RPS6KC1: variants seen among roughly 807,000 people sequenced by gnomAD.
The protein encoded by RPS6KC1 is ribosomal protein S6 kinase C1.
Under a neutral mutation model 103.8 loss-of-function variants are expected in RPS6KC1, and 54 were observed. That is an observed-to-expected ratio of 0.52 (90% CI 0.42 to 0.65). RPS6KC1 has a LOEUF of 0.65. Ranked by LOEUF, RPS6KC1 falls within the 30% of genes least tolerant of loss-of-function variation. RPS6KC1 has a pLI of 0.00. For synonymous variants in RPS6KC1, 439 were observed against 438.7 expected (o/e 1.00, Z -0.01); for missense variants, 1,151 against 1,253.8 (o/e 0.92, Z 1.24).
intron 8 of RPS6KC1, among the ~76,000 whole-genome samples, chr1:213,214,198 G>A (rs1295630192): frequency 2.0e-5 from 3 of 152,242 alleles, no homozygotes; most frequent in East Asian, 1.9e-4. Context: ...CTTTTCCAAC[G>A]GTCTTAGCAA....
At chr1:213,734,375 T>C in the RPS6KC1 span, among the ~76,000 whole-genome samples, 1 of 152,254 alleles carries the variant, frequency 6.6e-6, no homozygotes, top group Non-Finnish European at 1.5e-5. Flanking sequence ...TGGCTGGTAA[T>C]GGGGTATATA....
At chr1:213,309,018 A>G in the RPS6KC1 span, among the ~76,000 whole-genome samples, 7,556 of 152,172 alleles carry the variant, frequency 0.05, 464 homozygotes, top group African/African-American at 0.13. Context: ...GAGGCCGGGC[A>G]CGGTGGCTCA....
the RPS6KC1 span, among the ~76,000 whole-genome samples, chr1:213,455,343 T>C: frequency 6.6e-6 from 1 of 152,148 alleles, no homozygotes; most frequent in South Asian, 2.1e-4. Flanking sequence ...TTGACAGAAC[T>C]TGGTGACTGG....
the RPS6KC1 span, among the ~76,000 whole-genome samples, chr1:213,324,482 T>TA: frequency 2.0e-5 from 3 of 151,858 alleles, no homozygotes; most frequent in Non-Finnish European, 4.4e-5. Flanking sequence ...TATGAGAAAA[T>TA]AAATGTCTGT....
intron 3 of RPS6KC1, among the ~76,000 whole-genome samples, chr1:213,080,884 A>C (rs902513108): frequency 6.6e-6 from 1 of 152,254 alleles, no homozygotes; most frequent in South Asian, 2.1e-4. Context: ...TTATTATGAC[A>C]GAGCAAATAT....
chr1:213,415,433 G>T, the RPS6KC1 span, among the ~76,000 whole-genome samples: 1 of 152,218 alleles, frequency 6.6e-6, no homozygotes, highest in Admixed American at 6.5e-5. Context: ...AGAGGACTCG[G>T]TTCTGCTTTG....
At chr1:213,284,475 A>C in the RPS6KC1 span, among the ~76,000 whole-genome samples, 2 of 152,024 alleles carry the variant, frequency 1.3e-5, no homozygotes, top group East Asian at 1.9e-4. Context: ...TTGCCACTGC[A>C]CTCTAGCCTG....
chr1:213,446,594 C>T, the RPS6KC1 span, among the ~76,000 whole-genome samples: 1 of 152,142 alleles, frequency 6.6e-6, no homozygotes, highest in Non-Finnish European at 1.5e-5. Context: ...TAGATGTAAA[C>T]CATAGCCACA....
chr1:213,781,684 A>G, the RPS6KC1 span, among the ~76,000 whole-genome samples: 1 of 152,096 alleles, frequency 6.6e-6, no homozygotes, highest in South Asian at 2.1e-4. Context: ...CTCATCAGCA[A>G]GGCTAATTTA....
chr1:213,450,201 T>G, the RPS6KC1 span, among the ~76,000 whole-genome samples: 1 of 152,202 alleles, frequency 6.6e-6, no homozygotes, highest in Non-Finnish European at 1.5e-5. Flanking sequence ...TATGTGTTCA[T>G]TATTACTGTG....
the RPS6KC1 span, among the ~76,000 whole-genome samples, chr1:213,772,081 A>G: frequency 1.3e-5 from 2 of 152,326 alleles, no homozygotes; most frequent in Non-Finnish European, 2.9e-5. Context: ...CTATTGAATT[A>G]TATGTTTCAA....
At chr1:213,219,811 A>G (rs1323279320) in intron 8 of RPS6KC1, among the ~76,000 whole-genome samples, 1 of 146,550 alleles carries the variant, frequency 6.8e-6, no homozygotes, top group Non-Finnish European at 1.5e-5. Flanking sequence ...GAACAATGAG[A>G]ACACATGGAC....
At chr1:213,139,409 C>G (rs1388756900) in intron 6 of RPS6KC1, among the ~76,000 whole-genome samples, 2 of 152,170 alleles carry the variant, frequency 1.3e-5, no homozygotes, top group Non-Finnish European at 2.9e-5. Context: ...GTCATGAAGT[C>G]TTTGCCTGGG....
chr1:213,373,710 A>G, the RPS6KC1 span, among the ~76,000 whole-genome samples: 1 of 152,250 alleles, frequency 6.6e-6, no homozygotes, highest in African/African-American at 2.4e-5. Context: ...GCCAACAAGT[A>G]TTTAGGGCTC....
chr1:213,176,725 C>A, intron 8 of RPS6KC1: 2 of 312,840 alleles, frequency 6.4e-6, no homozygotes. Flanking sequence ...TGTTGGCATT[C>A]AGTTGAGTAA....
At chr1:213,763,019 C>T in the RPS6KC1 span, among the ~76,000 whole-genome samples, 10 of 151,946 alleles carry the variant, frequency 6.6e-5, no homozygotes, top group Admixed American at 2.0e-4. Context: ...CCACCATGCC[C>T]GGCTAATTTT....
chr1:213,611,132 G>A, the RPS6KC1 span, among the ~76,000 whole-genome samples: 1 of 152,088 alleles, frequency 6.6e-6, no homozygotes, highest in South Asian at 2.1e-4. Flanking sequence ...AGTTTTGTTG[G>A]TAGTGGGGCC....
chr1:213,740,696 A>G, the RPS6KC1 span, among the ~76,000 whole-genome samples: 1 of 150,346 alleles, frequency 6.7e-6, no homozygotes, highest in African/African-American at 2.4e-5. Flanking sequence ...ATATGTACAC[A>G]TATATACATC....
chr1:213,496,651 G>C, the RPS6KC1 span, among the ~76,000 whole-genome samples: 1 of 152,198 alleles, frequency 6.6e-6, no homozygotes, highest in East Asian at 1.9e-4. Context: ...CCAGCTACTC[G>C]TGAGGCTGAG....
Sources: gnomAD v4.1 joint callset for allele counts (sites outside exome capture counted in the v4.1 genomes callset) on GRCh38, gnomAD v4.1.1 for gene constraint, MANE v1.5 for transcripts, NCBI Gene and HGNC (gene_info 2026-07-23, HGNC 2026-07-21) for gene names.